TTC7B: variants seen among roughly 807,000 people sequenced by gnomAD.
The protein encoded by TTC7B is tetratricopeptide repeat protein 7B.
TTC7B carries 28 observed loss-of-function variants against 106.8 expected under a neutral mutation model. The observed-to-expected ratio is 0.26, with a 90% CI of 0.19 to 0.36. The LOEUF (loss-of-function observed/expected upper bound fraction) is 0.36. TTC7B is among the 10% of genes least tolerant of loss of function. The pLI, the probability that TTC7B is intolerant of heterozygous loss-of-function variation, is 1.00. For missense variants in TTC7B, 862 were observed against 1,076.4 expected (o/e 0.80, Z 2.79); for synonymous variants, 405 against 430.6 (o/e 0.94, Z 0.74).
intron 6 of TTC7B, among the ~76,000 whole-genome samples, chr14:90,692,801 T>C (rs1417874181): frequency 1.3e-5 from 2 of 152,168 alleles, no homozygotes; most frequent in Non-Finnish European, 2.9e-5. Context: ...TTCTTTTGCC[T>C]TGAAGAATCC....
At chr14:90,661,453 G>A (rs1427311546) in intron 9 of TTC7B, among the ~76,000 whole-genome samples, 1 of 152,156 alleles carries the variant, frequency 6.6e-6, no homozygotes, top group East Asian at 1.9e-4. Context: ...GGAGGCATGG[G>A]CTGGGACTAA....
At chr14:90,733,574 G>C (rs1657048268) in intron 4 of TTC7B, among the ~76,000 whole-genome samples, 1 of 152,212 alleles carries the variant, frequency 6.6e-6, no homozygotes, top group Non-Finnish European at 1.5e-5. Context: ...CTGGGCAGAA[G>C]CATTGTTTGG....
At chr14:90,617,303 T>C (rs1163470019) in intron 16 of TTC7B, among the ~76,000 whole-genome samples, 1 of 146,894 alleles carries the variant, frequency 6.8e-6, no homozygotes, top group Non-Finnish European at 1.5e-5. Flanking sequence ...GGATGTTGTT[T>C]TTGTATCTAC....
intron 19 of TTC7B, among the ~76,000 whole-genome samples, chr14:90,548,145 C>A (rs1293738053): frequency 6.6e-6 from 1 of 152,226 alleles, no homozygotes; most frequent in East Asian, 1.9e-4. Context: ...GTAGTGCTCT[C>A]AGCTTCTCTG....
At chr14:90,746,424 C>G (rs1448981673) in intron 3 of TTC7B, among the ~76,000 whole-genome samples, 1 of 152,092 alleles carries the variant, frequency 6.6e-6, no homozygotes, top group East Asian at 1.9e-4. Flanking sequence ...GTAGATGGCA[C>G]CTCTCTCATT....
intron 3 of TTC7B, among the ~76,000 whole-genome samples, chr14:90,748,804 A>G (rs1206078665): frequency 6.6e-6 from 1 of 152,164 alleles, no homozygotes; most frequent in Non-Finnish European, 1.5e-5. Flanking sequence ...TTTAACATTT[A>G]GATCATAAGG....
chr14:90,593,401 C>A, intron 18 of TTC7B, 85 bp downstream of exon 18: 1 of 1,467,634 alleles, frequency 6.8e-7, no homozygotes, highest in South Asian at 1.4e-5. Context: ...GACAAGCGCC[C>A]AGGCTCTGGC....
In TTC7B at chr14:90,740,797, C is replaced by T. The variant is rs192231111; in HGVS notation, c.576+3995G>A. Among the ~76,000 whole-genome samples the T allele has an allele frequency of 4.0e-3, 609 of 152,146 alleles. 5 individuals carry two copies. The highest frequency in any genetic ancestry group is 0.014 in the African/African-American group (571 of 41,496). On this transcript the variant is annotated intron_variant, in intron 4 of 19. Transcript: ENST00000328459. ...GATTACAGGTGTGAGCCACCACACCCGGCCTCTTTAACATTTTTAATGAAA... is the reference window on the plus strand; with the variant it reads ...GATTACAGGTGTGAGCCACCACACCTGGCCTCTTTAACATTTTTAATGAAA...
chr14:90,701,690 G>GTATA (rs71461917), intron 5 of TTC7B, among the ~76,000 whole-genome samples: 1,863 of 77,600 alleles, frequency 0.024, 16 homozygotes, highest in Middle Eastern at 0.061. Context: ...CAAAAGAAAC[G>GTATA]TATATATATA....
rs976446535 is a variant in TTC7B at position 90,575,550 on chromosome 14, C to G, written c.2310+2556G>C. Among the ~76,000 whole-genome samples, 1 of 152,178 alleles carries G rather than the reference C, an allele frequency of 6.6e-6. No homozygotes were observed. The highest frequency in any genetic ancestry group is 1.5e-5 in the Non-Finnish European group (1 of 68,024). ...AGAGCCTGTGGGGTCCATGGGCTGCCCCTCCACAGGCACCAGAGGGTCCTG... is the reference window on the plus strand; with the variant it reads ...AGAGCCTGTGGGGTCCATGGGCTGCGCCTCCACAGGCACCAGAGGGTCCTG... On this transcript the variant is annotated intron_variant, in intron 19 of 19. Coordinates refer to ENST00000328459, the MANE Select transcript of TTC7B (RefSeq NM_001010854.2). The surrounding 1 kb of genome is among the most constrained non-coding windows in gnomAD (Gnocchi z 5.2).
Position 90,525,286 on chromosome 14 carries a change from T to G in TTC7B, c.*16082A>C, listed in dbSNP as rs747195046. 7.9e-5 allele frequency: 12 copies of G among 152,338 alleles called. No homozygotes were observed. The highest frequency in any genetic ancestry group is 1.9e-4 in the African/African-American group (8 of 41,574). The allele number at this position is 152,338 out of a possible 1,614,324, so 9.4% of individuals were successfully genotyped here. A position where few individuals can be genotyped will look rare whatever the true frequency, so the allele number is the denominator to read the frequency against. Reference sequence around the variant, plus strand: ...GTTGCTGCAGGCACCAAGCCCCTCATATGGACAGATCACAATTCGCTTCTC... The same window carrying G: ...GTTGCTGCAGGCACCAAGCCCCTCAGATGGACAGATCACAATTCGCTTCTC... On this transcript the variant is annotated 3_prime_UTR_variant, in exon 20 of 20. Coordinates refer to ENST00000328459, the MANE Select transcript of TTC7B (RefSeq NM_001010854.2).
intron 1 of TTC7B, among the ~76,000 whole-genome samples, chr14:90,788,748 A>G (rs775491106): frequency 2.7e-5 from 4 of 150,004 alleles, no homozygotes; most frequent in Non-Finnish European, 4.5e-5. Context: ...GCAGATCACG[A>G]GGTCAAGAGA....
At chr14:90,780,709 G>T in intron 3 of TTC7B, 29 bp downstream of exon 3, 1 of 1,604,238 alleles carries the variant, frequency 6.2e-7, no homozygotes, top group South Asian at 1.1e-5. Flanking sequence ...CAGGTCACGG[G>T]ACACTGTGTT....
intron 1 of TTC7B, among the ~76,000 whole-genome samples, chr14:90,796,259 G>A (rs1891772283): frequency 6.6e-6 from 1 of 152,178 alleles, no homozygotes. Context: ...ACCCAGGGCT[G>A]GCTTCGCTTT....
intron 3 of TTC7B, among the ~76,000 whole-genome samples, chr14:90,745,472 G>C (rs916526460): frequency 6.6e-6 from 1 of 152,098 alleles, no homozygotes; most frequent in African/African-American, 2.4e-5. Context: ...CACCAGTTTT[G>C]CTGAGAGTTT....
chr14:90,615,924 G>T (rs969740730), intron 16 of TTC7B, among the ~76,000 whole-genome samples: 2 of 152,254 alleles, frequency 1.3e-5, no homozygotes, highest in African/African-American at 4.8e-5. Flanking sequence ...ACCAGACACT[G>T]CCTGGAGCCA....
At chr14:90,722,285 C>T (rs1888927082) in intron 5 of TTC7B, among the ~76,000 whole-genome samples, 2 of 152,206 alleles carry the variant, frequency 1.3e-5, no homozygotes, top group South Asian at 4.1e-4. Context: ...TCATCCCCAC[C>T]TTCCTAGTAT....
At position 90,644,226 on chromosome 14, in the gene TTC7B, C is replaced by T; in HGVS notation, c.1591-18G>A. 6.5e-7 allele frequency: 1 copy of T among 1,547,810 alleles called. No individual in the cohort carries two copies. The highest frequency in any genetic ancestry group is 8.7e-7 in the Non-Finnish European group (1 of 1,153,426). The stretch of plus-strand genomic sequence containing the variant: ...TCTGGGATCTGGTTTAAAACAAAAC[C>T]AAAAAAGGTTTTACATACACACATG... On this transcript the variant is annotated intron_variant, in intron 14 of 19. Coordinates refer to ENST00000328459, the MANE Select transcript of TTC7B (RefSeq NM_001010854.2).
intron 19 of TTC7B, among the ~76,000 whole-genome samples, chr14:90,546,978 C>G (rs1465617883): frequency 6.6e-6 from 1 of 152,238 alleles, no homozygotes; most frequent in Non-Finnish European, 1.5e-5. Context: ...AGCTGTGCTG[C>G]GTGTGCCCTT....
Sources: gnomAD v4.1 joint callset for allele counts (sites outside exome capture counted in the v4.1 genomes callset) on GRCh38, gnomAD v4.1.1 for gene constraint, Gnocchi (gnomAD v3.1) non-coding constraint, MANE v1.5 for transcripts, NCBI Gene and HGNC (gene_info 2026-07-23, HGNC 2026-07-21) for gene names.